Variants in RAP1B observed in about 807,000 individuals in gnomAD.
RAP1B encodes the protein RAP1B, member of RAS oncogene family, also known as ras-related protein Rap-1b.
RAP1B carries 1 observed loss-of-function variant against 27.5 expected under a neutral mutation model. The observed-to-expected ratio is 0.04, with a 90% CI of 0.01 to 0.17. RAP1B has a LOEUF of 0.17. Ranked by LOEUF, RAP1B falls within the 10% of genes least tolerant of loss-of-function variation. RAP1B has a pLI of 1.00. For missense variants in RAP1B, 84 were observed against 214.8 expected (o/e 0.39, Z 3.81); for synonymous variants, 75 against 73.1 (o/e 1.03, Z -0.13).
intron 1 of RAP1B, among the ~76,000 whole-genome samples, chr12:68,636,429 TTTG>T (rs1872637219): frequency 2.0e-5 from 3 of 152,290 alleles, no homozygotes; most frequent in South Asian, 2.1e-4. Context: ...GCACTGTTTT[TTTG>T]TTGTTTGTTT....
Position 68,664,051 on chromosome 12 carries a change from A to G in RAP1B, c.*4802A>G, listed in dbSNP as rs1354597070. On this transcript the variant is annotated 3_prime_UTR_variant, in exon 8 of 8. Transcript: ENST00000250559. ...ACAGTTTTTACTATGTTGTTTTACT[A>G]TGAACCTAGTTTAACCTGACTTTCC... is the stretch of plus-strand genomic sequence containing the variant. 2 of 152,222 alleles carry G rather than the reference A, an allele frequency of 1.3e-5. No individual in the cohort carries two copies. The highest frequency in any genetic ancestry group is 2.4e-5 in the African/African-American group (1 of 41,466). 9.4% of individuals were successfully genotyped at this position (152,222 alleles called of 1,614,324 possible).
intron 1 of RAP1B, among the ~76,000 whole-genome samples, chr12:68,613,536 T>G (rs1180655917): frequency 6.6e-6 from 1 of 152,226 alleles, no homozygotes. Flanking sequence ...TTTATATTAT[T>G]TATTCCATTG....
At chr12:68,636,130 C>G (rs1197028751) in intron 1 of RAP1B, among the ~76,000 whole-genome samples, 1 of 152,084 alleles carries the variant, frequency 6.6e-6, no homozygotes, top group Non-Finnish European at 1.5e-5. Flanking sequence ...AGTGATCTGC[C>G]CGCCTTGGCC....
chr12:68,636,146 AAGTCCTGGTATTAC>A (rs1872618163), intron 1 of RAP1B, among the ~76,000 whole-genome samples: 1 of 152,096 alleles, frequency 6.6e-6, no homozygotes, highest in Non-Finnish European at 1.5e-5. Context: ...TGGCCTCCCA[AAGTCCTGGTATTAC>A]AGGCATGAGC....
chr12:68,657,199 C>G lies in RAP1B; in HGVS notation c.*12C>G. On this transcript the variant is annotated 3_prime_UTR_variant, in exon 7 of 8. Transcript: ENST00000250559. The stretch of plus-strand genomic sequence containing the variant: ...GTCAGCTGCTTTAATATACTAAATG[C>G]ATTGTAGCTCTGAGCCAGGTATGTT... 6.3e-7 allele frequency: 1 copy of G among 1,590,260 alleles called. No individual in the cohort carries two copies. The highest frequency in any genetic ancestry group is 1.7e-5 in the Admixed American group (1 of 59,772).
chr12:68,642,181 ATTG>A (rs769402193), intron 1 of RAP1B, among the ~76,000 whole-genome samples: 1 of 152,328 alleles, frequency 6.6e-6, no homozygotes, highest in Non-Finnish European at 1.5e-5. Context: ...TAGGCATATT[ATTG>A]TTAACTAGCA....
At chr12:68,657,251 C>A in intron 7 of RAP1B, 34 bp downstream of exon 7, 1 of 1,380,750 alleles carries the variant, frequency 7.2e-7, no homozygotes, top group South Asian at 1.2e-5. Flanking sequence ...AACTTTTAAT[C>A]ACTCAACCTT....
chr12:68,642,966 T>A, intron 1 of RAP1B: 1 of 827,694 alleles, frequency 1.2e-6, no homozygotes, highest in Non-Finnish European at 2.2e-6. Context: ...CAGTCAGTGG[T>A]TTTTAGAGCA....
intron 1 of RAP1B, among the ~76,000 whole-genome samples, chr12:68,629,101 C>T (rs1234848459): frequency 6.6e-6 from 1 of 152,150 alleles, no homozygotes; most frequent in Non-Finnish European, 1.5e-5. Context: ...CACAACTCAC[C>T]TCAGCCTCCT....
Position 68,637,809 on chromosome 12 carries a change from A to C in RAP1B, c.-26-10890A>C, listed in dbSNP as rs1408830531. ...CTCAAACCAGCCCCAGGATTTCTTTATTTACCAATTATGAACTAGCCTCAC... is the reference window on the plus strand; with the variant it reads ...CTCAAACCAGCCCCAGGATTTCTTTCTTTACCAATTATGAACTAGCCTCAC... On this transcript the variant is annotated intron_variant, in intron 1 of 7. Coordinates refer to ENST00000250559, the MANE Select transcript of RAP1B (RefSeq NM_001010942.3). 3.3e-5 allele frequency among the ~76,000 whole-genome samples: 5 copies of C among 151,964 alleles called. No individual in the cohort carries two copies. In the South Asian group the frequency reaches 8.3e-4, roughly 25 times the overall value.
At chr12:68,659,066 C>T (rs1874445366) in intron 7 of RAP1B, among the ~76,000 whole-genome samples, 1 of 152,132 alleles carries the variant, frequency 6.6e-6, no homozygotes, top group Non-Finnish European at 1.5e-5. Flanking sequence ...TTTCATTTAA[C>T]TGACTTTCAA....
At chr12:68,647,256 C>T (rs1873474488) in intron 1 of RAP1B, among the ~76,000 whole-genome samples, 3 of 151,640 alleles carry the variant, frequency 2.0e-5, no homozygotes, top group Admixed American at 6.6e-5. Context: ...GTTTTGAAGC[C>T]GGGTGTGGTG....
Position 68,652,066 on chromosome 12 carries a change from A to G in RAP1B, c.183+15A>G, listed in dbSNP as rs1485337295. 6.3e-7 allele frequency: 1 copy of G among 1,582,986 alleles called. No homozygotes were observed. The highest frequency in any genetic ancestry group is 8.7e-7 in the Non-Finnish European group (1 of 1,151,878). On this transcript the variant is annotated intron_variant, in intron 4 of 7. Transcript: ENST00000250559. Reference sequence around the variant, plus strand: ...CTGCAGGAACGGTAGGTAAAACTAAATACCAAAGTATATACACCGTTTGTA... The same window carrying G: ...CTGCAGGAACGGTAGGTAAAACTAAGTACCAAAGTATATACACCGTTTGTA...
intron 1 of RAP1B, among the ~76,000 whole-genome samples, chr12:68,636,039 C>G (rs1470550698): frequency 1.3e-5 from 2 of 151,366 alleles, no homozygotes; most frequent in Non-Finnish European, 1.5e-5. Context: ...CCACCACATT[C>G]GAGTATTTTT....
intron 1 of RAP1B, among the ~76,000 whole-genome samples, chr12:68,626,671 C>T (rs1871802801): frequency 6.6e-6 from 1 of 151,676 alleles, no homozygotes; most frequent in South Asian, 2.1e-4. Flanking sequence ...ATTTTATAGG[C>T]AAAAAGATGA....
chr12:68,637,022 A>G (rs1024074582), intron 1 of RAP1B, among the ~76,000 whole-genome samples: 14 of 152,096 alleles, frequency 9.2e-5, no homozygotes, highest in Non-Finnish European at 1.0e-4. Context: ...GCATCTGTCA[A>G]TAATTGATGT....
chr12:68,615,967 A>AT lies in RAP1B; in HGVS notation c.-27+4938dup, dbSNP rs11361027. Among the ~76,000 whole-genome samples the AT allele has an allele frequency of 1.2e-3, 170 of 146,108 alleles. No individual in the cohort carries two copies. The East Asian group carries it at 0.016, about 14-fold the overall frequency. ...TTAAAAACTCTAGTAAATAATTTGG[A>AT]TTTTTTTTTTTTTTGAGATGGAGTC... On this transcript the variant is annotated intron_variant, in intron 1 of 7. Coordinates refer to ENST00000250559, the MANE Select transcript of RAP1B (RefSeq NM_001010942.3).
intron 1 of RAP1B, among the ~76,000 whole-genome samples, chr12:68,626,262 CTA>C (rs1164463761): frequency 6.6e-6 from 1 of 152,168 alleles, no homozygotes; most frequent in Non-Finnish European, 1.5e-5. Context: ...CTTGATTTAT[CTA>C]CTAACACTAA....
At chr12:68,611,133 G>A (rs1028696017) in intron 1 of RAP1B, 90 bp downstream of exon 1, 1 of 152,706 alleles carries the variant, frequency 6.5e-6, no homozygotes, top group South Asian at 1.8e-4. Context: ...GGTGGGGTGC[G>A]GCGAGGCGCG....
Sources: allele counts gnomAD v4.1 joint callset (sites outside exome capture counted in the v4.1 genomes callset), GRCh38; gene constraint gnomAD v4.1.1; transcripts MANE v1.5; gene names NCBI Gene and HGNC (gene_info 2026-07-23, HGNC 2026-07-21).